MATN2: variants seen among roughly 807,000 people sequenced by gnomAD.
MATN2 encodes matrilin-2.
A neutral mutation model predicts 103.2 loss-of-function variants in MATN2; 69 were observed. The ratio of observed to expected loss-of-function variants is 0.67; its 90% CI spans 0.55 to 0.82. MATN2 has a LOEUF of 0.82. MATN2 is among the 40% of genes least tolerant of loss of function. The pLI is 0.00. For missense variants in MATN2, 1,023 were observed against 1,211.5 expected, an observed-to-expected ratio of 0.84 and a Z score of 2.31; for synonymous variants, 429 against 450.2, an observed-to-expected ratio of 0.95 and a Z score of 0.60.
chr8:98,009,392 T>C (rs1813082071), intron 10 of MATN2, among the ~76,000 whole-genome samples: 1 of 152,208 alleles, frequency 6.6e-6, no homozygotes, highest in South Asian at 2.1e-4. Flanking sequence ...ACTGCACCTA[T>C]TTGGTAAAGC....
intron 6 of MATN2, among the ~76,000 whole-genome samples, chr8:97,988,728 C>T (rs924025780): frequency 2.6e-5 from 4 of 152,026 alleles, no homozygotes; most frequent in African/African-American, 4.8e-5. Flanking sequence ...GACTTCAAAC[C>T]TAGTTGGCTT....
At position 98,007,768 on chromosome 8, in the gene MATN2, T is replaced by C. The variant is rs781571980; in HGVS notation, c.1573+167T>C. On this transcript the variant is annotated intron_variant, in intron 10 of 18. Coordinates refer to ENST00000254898, the MANE Select transcript of MATN2 (RefSeq NM_002380.5). This position sits in a 1 kb window ranked among gnomAD's most constrained non-coding sequence, Gnocchi z 4.2. ...TAGCCATTAAGCCTTGGTGGCTGCTTCACCAACTCCCCTCAATCTTCCTTC... is the reference window on the plus strand; with the variant it reads ...TAGCCATTAAGCCTTGGTGGCTGCTCCACCAACTCCCCTCAATCTTCCTTC... Among the ~76,000 whole-genome samples, 5 of 152,162 alleles carry C rather than the reference T, an allele frequency of 3.3e-5. No individual in the cohort carries two copies. The highest frequency in any genetic ancestry group is 5.9e-5 in the Non-Finnish European group (4 of 68,026).
At chr8:97,933,953 C>T (rs1467067931) in intron 3 of MATN2, among the ~76,000 whole-genome samples, 1 of 152,242 alleles carries the variant, frequency 6.6e-6, no homozygotes, top group Non-Finnish European at 1.5e-5. Flanking sequence ...GCAGCACACT[C>T]TTGCCACTCT....
intron 1 of MATN2, among the ~76,000 whole-genome samples, chr8:97,883,091 G>A (rs909572440): frequency 1.3e-5 from 2 of 152,010 alleles, no homozygotes; most frequent in Admixed American, 6.6e-5. Context: ...ATTGCCCGAC[G>A]TCAGGAGTTC....
chr8:97,929,915 A>G (rs1296137587), intron 2 of MATN2, among the ~76,000 whole-genome samples: 1 of 152,224 alleles, frequency 6.6e-6, no homozygotes, highest in African/African-American at 2.4e-5. Context: ...CATCATGTAC[A>G]TATTTCTCAG....
At chr8:97,984,007 TG>T (rs1450493914) in intron 6 of MATN2, among the ~76,000 whole-genome samples, 1 of 152,236 alleles carries the variant, frequency 6.6e-6, no homozygotes, top group Admixed American at 6.5e-5. Context: ...TCAGGTTTCT[TG>T]GCCAGAGCAT....
chr8:98,000,820 G>T (rs1375705487), intron 7 of MATN2, among the ~76,000 whole-genome samples: 2 of 152,174 alleles, frequency 1.3e-5, no homozygotes, highest in African/African-American at 4.8e-5. Context: ...ACTCAGTCTA[G>T]TGAAAGAAAC....
chr8:97,914,335 G>C (rs191293167), intron 2 of MATN2, among the ~76,000 whole-genome samples: 2 of 128,108 alleles, frequency 1.6e-5, no homozygotes, highest in South Asian at 5.3e-4. Flanking sequence ...AGTGCTCCTC[G>C]TTTGTCCTAA....
intron 2 of MATN2, among the ~76,000 whole-genome samples, chr8:97,909,651 C>T (rs1003437134): frequency 7.9e-5 from 12 of 152,050 alleles, no homozygotes; most frequent in African/African-American, 2.7e-4. Flanking sequence ...TGGCTCTTGC[C>T]GAGTGAGTGA....
At chr8:98,025,799 G>A in intron 13 of MATN2, 1 of 422,284 alleles carries the variant, frequency 2.4e-6, no homozygotes, top group Non-Finnish European at 4.7e-6. Context: ...TTTTTCTTTT[G>A]CAGTCCTAAA....
At chr8:97,916,156 A>G (rs1331214179) in intron 2 of MATN2, among the ~76,000 whole-genome samples, 2 of 151,594 alleles carry the variant, frequency 1.3e-5, no homozygotes, top group Non-Finnish European at 2.9e-5. Context: ...TGCAACCTCC[A>G]CCTCCTGGGT....
In MATN2 at chr8:97,906,958, C is replaced by T. The variant is rs373197313; in HGVS notation, c.142+18716C>T. On this transcript the variant is annotated intron_variant, in intron 2 of 18. Coordinates refer to ENST00000254898, the MANE Select transcript of MATN2 (RefSeq NM_002380.5). ...GTCAGCCTTGGCTCCTGAACCTTTC[C>T]ACACTTGTCAGCTCAGTTTTTAAAA... Among the ~76,000 whole-genome samples, 106 of 151,880 alleles carry T rather than the reference C, an allele frequency of 7.0e-4. 1 individual carries two copies. The highest frequency in any genetic ancestry group is 2.5e-3 in the African/African-American group (105 of 41,418).
At chr8:97,997,655 C>T (rs1812629621) in intron 7 of MATN2, among the ~76,000 whole-genome samples, 1 of 152,018 alleles carries the variant, frequency 6.6e-6, no homozygotes, top group African/African-American at 2.4e-5. Context: ...ATCATGGTAC[C>T]AGATATAGGA....
At chr8:98,022,723 A>C (rs557129593) in intron 13 of MATN2, among the ~76,000 whole-genome samples, 81 of 152,032 alleles carry the variant, frequency 5.3e-4, no homozygotes, top group African/African-American at 1.9e-3. Flanking sequence ...ATTAGTTCAG[A>C]GCATAAGCTT....
intron 1 of MATN2, among the ~76,000 whole-genome samples, chr8:97,875,414 T>C (rs1198819872): frequency 6.6e-6 from 1 of 152,270 alleles, no homozygotes. Flanking sequence ...ATTTGTTAAG[T>C]TAATTTTTTT....
chr8:97,916,290 G>A (rs946477075), intron 2 of MATN2, among the ~76,000 whole-genome samples: 2 of 152,056 alleles, frequency 1.3e-5, no homozygotes, highest in African/African-American at 2.4e-5. Context: ...GGCTGGTCTC[G>A]AACTCCTGGC....
intron 6 of MATN2, among the ~76,000 whole-genome samples, chr8:97,984,464 T>C (rs1309460895): frequency 6.6e-6 from 1 of 152,212 alleles, no homozygotes; most frequent in Non-Finnish European, 1.5e-5. Context: ...GACCAATTTG[T>C]GTGTGGAGGA....
At chr8:97,938,089 A>T (rs1810436812) in intron 3 of MATN2, among the ~76,000 whole-genome samples, 1 of 152,092 alleles carries the variant, frequency 6.6e-6, no homozygotes, top group Admixed American at 6.5e-5. Context: ...CACCAAGAAG[A>T]CAGGCACCAG....
At chr8:97,948,148 C>A (rs1183461899) in intron 4 of MATN2, among the ~76,000 whole-genome samples, 1 of 152,110 alleles carries the variant, frequency 6.6e-6, no homozygotes, top group Non-Finnish European at 1.5e-5. Flanking sequence ...TGTGGCACTG[C>A]ATAGACCACA....
Sources: allele counts gnomAD v4.1 joint callset (sites outside exome capture counted in the v4.1 genomes callset), GRCh38; gene constraint gnomAD v4.1.1; non-coding constraint Gnocchi (gnomAD v3.1); transcripts MANE v1.5; gene names NCBI Gene and HGNC (gene_info 2026-07-23, HGNC 2026-07-21).